Variants in CCDC154 observed in about 807,000 individuals in gnomAD.
The protein encoded by CCDC154 is coiled-coil domain containing 154, also known as coiled-coil domain-containing protein 154.
Under a neutral mutation model 87.5 loss-of-function variants are expected in CCDC154, and 91 were observed. That is an observed-to-expected ratio of 1.04 (90% CI 0.88 to 1.24). The LOEUF is 1.24. Ranked by LOEUF, CCDC154 falls within the 50% of genes most tolerant of loss-of-function variation. The probability of loss-of-function intolerance (pLI) is 0.00; values close to 1 mark genes in which losing one functional copy is unlikely to be tolerated. For missense variants in CCDC154, 903 were observed against 879.2 expected (o/e 1.03, Z -0.34); for synonymous variants, 418 against 400.4 (o/e 1.04, Z -0.52).
rs568512686 is a variant in CCDC154 at position 1,434,396 on chromosome 16, A to C, written c.*12T>G. ...GGGAACCTCAGCTCTAATGAGTACAAAGCCAGCACGTTTATTTCTGGATAA... is the reference window on the plus strand; with the variant it reads ...GGGAACCTCAGCTCTAATGAGTACACAGCCAGCACGTTTATTTCTGGATAA... On this transcript the variant is annotated 3_prime_UTR_variant, in exon 17 of 17. Coordinates refer to ENST00000389176, the MANE Select transcript of CCDC154 (RefSeq NM_001143980.3). 2.9e-5 allele frequency: 45 copies of C among 1,549,950 alleles called. 1 individual carries two copies. In the Admixed American group the frequency reaches 8.8e-4, roughly 30 times the overall value.
At chr16:1,437,279 C>T (rs1175177794) in intron 11 of CCDC154, 1 of 189,642 alleles carries the variant, frequency 5.3e-6, no homozygotes. Context: ...CCGCACCGTG[C>T]GTGGCTCTGT....
At chr16:1,438,524 G>T (rs2038522091) in intron 9 of CCDC154, 95 bp downstream of exon 9, 2 of 1,181,100 alleles carry the variant, frequency 1.7e-6, no homozygotes, top group South Asian at 2.8e-5. Flanking sequence ...GGGAGGCAAG[G>T]TCATTCCCTG....
rs570202582 is a variant in CCDC154 at position 1,444,355 on chromosome 16, G to A, written c.-33C>T. 1.5e-4 allele frequency: 194 copies of A among 1,298,958 alleles called. No homozygotes were observed. In the African/African-American group the frequency reaches 2.5e-3, roughly 17 times the overall value. The allele number at this position is 1,298,958 out of a possible 1,614,324, so 80.5% of individuals were successfully genotyped here. A position where few individuals can be genotyped will look rare whatever the true frequency, so the allele number is the denominator to read the frequency against. ...GGGCTGCACCGGCCACCCTGCCCTC[G>A]GCTGTAGCTTGGGCCTTGGGGCCTC... On this transcript the variant is annotated 5_prime_UTR_variant, in exon 1 of 17. Coordinates refer to ENST00000389176, the MANE Select transcript of CCDC154 (RefSeq NM_001143980.3).
In CCDC154 at chr16:1,436,699, G is replaced by C. The variant is rs112015572; in HGVS notation, c.1403C>G (p.Pro468Arg). 4 of 1,550,066 alleles carry C rather than the reference G, an allele frequency of 2.6e-6. No individual in the cohort carries two copies. In the East Asian group the frequency reaches 9.8e-5, roughly 38 times the overall value. ...GGCTGTGCCTTCGCCCACCTGCTGG[G>C]GGAGGCCATCCACCTTCTCCCGCAC... ...RGVREKVDGL[P>R]QQIESVSDKC... Residue 468 changes from proline to arginine, a missense_variant, in exon 12 of 17, where the codon CCC becomes CGC. Transcript: ENST00000389176.
chr16:1,439,073 C>T lies in CCDC154; in HGVS notation c.729G>A (p.Glu243=). 1 of 1,550,292 alleles carries T rather than the reference C, an allele frequency of 6.5e-7. No individual in the cohort carries two copies. Among genetic ancestry groups the T allele is most frequent in the East Asian group, 2.4e-5 (1 of 40,912 alleles). ...TCTGCAGGAAGCCGCACAGCTTGGC[C>T]TCCCTCTTCAGGAAGCGCAGGCTCA... The part of the protein sequence containing the change: ...EEVSLRFLKR[E]AKLCGFLQKS... The change falls in exon 7 of 17, where the codon GAG becomes GAA. Residue 243 remains glutamate (E), a synonymous_variant. Transcript: ENST00000389176.
chr16:1,440,726 A>G (rs1323964223), intron 6 of CCDC154, among the ~76,000 whole-genome samples: 1 of 151,756 alleles, frequency 6.6e-6, no homozygotes, highest in African/African-American at 2.4e-5. Context: ...CGAGATGGGC[A>G]GATCACGAGG....
intron 1 of CCDC154, 97 bp downstream of exon 1, chr16:1,444,219 G>A: frequency 2.4e-6 from 3 of 1,226,768 alleles, no homozygotes; most frequent in Non-Finnish European, 2.1e-6. Context: ...GCAGGAACAA[G>A]CGAGCTGGAG....
intron 2 of CCDC154, 22 bp from the exon 3 acceptor site, chr16:1,443,717 G>A (rs774027878): frequency 1.5e-5 from 19 of 1,298,932 alleles, no homozygotes; most frequent in Middle Eastern, 4.6e-4. Context: ...GAGAGTGGGC[G>A]AGTCTGGCGG....
chr16:1,444,144 A>T, intron 1 of CCDC154, 132 bp from the exon 2 acceptor site: 1 of 1,010,144 alleles, frequency 9.9e-7, no homozygotes, highest in Non-Finnish European at 1.3e-6. Context: ...TGGGTCACAC[A>T]GGATCCAGAC....
chr16:1,443,222 C>A (rs1190428717), intron 4 of CCDC154, 39 bp downstream of exon 4: 2 of 1,544,570 alleles, frequency 1.3e-6, no homozygotes, highest in Non-Finnish European at 1.7e-6. Context: ...CCACCACCTC[C>A]CCGCCCTGGG....
intron 6 of CCDC154, 51 bp from the exon 7 acceptor site, chr16:1,439,177 C>T (rs554676814): frequency 1.2e-5 from 17 of 1,466,614 alleles, no homozygotes; most frequent in East Asian, 2.5e-5. Context: ...GACACGCAGC[C>T]GGTCCCCCTC....
intron 6 of CCDC154, among the ~76,000 whole-genome samples, chr16:1,441,452 C>T (rs1358736327): frequency 2.6e-5 from 4 of 152,200 alleles, no homozygotes; most frequent in Non-Finnish European, 4.4e-5. Context: ...AGCTCAGACC[C>T]GGGCTGCTGA....
chr16:1,437,714 A>AC, intron 11 of CCDC154, 103 bp downstream of exon 11: 1 of 1,350,970 alleles, frequency 7.4e-7, no homozygotes, highest in Admixed American at 2.7e-5. Flanking sequence ...GAGGCTTGGG[A>AC]CCGGCCTGTC....
At chr16:1,443,115 C>G in intron 4 of CCDC154, 140 bp from the exon 5 acceptor site, 1 of 1,366,652 alleles carries the variant, frequency 7.3e-7, no homozygotes, top group East Asian at 2.5e-5. Flanking sequence ...ACGTACAAAC[C>G]CGGCCTTTTC....
chr16:1,438,281 C>A, intron 9 of CCDC154, 105 bp from the exon 10 acceptor site: 2 of 1,349,286 alleles, frequency 1.5e-6, no homozygotes, highest in Non-Finnish European at 2.0e-6. Flanking sequence ...TCCCAGGAGA[C>A]CCTGGGATCG....
chr16:1,443,699 G>T lies in CCDC154; in HGVS notation c.225-4C>A, dbSNP rs907677226. ...CTCGGCCTGCAGCTCCACCACCCTGGCCGGGGCGAGAGTGGGCGAGTCTGG... is the reference window on the plus strand; with the variant it reads ...CTCGGCCTGCAGCTCCACCACCCTGTCCGGGGCGAGAGTGGGCGAGTCTGG... On this transcript the variant is annotated splice_polypyrimidine_tract_variant and splice_region_variant and intron_variant, in intron 2 of 16. Transcript: ENST00000389176. 18 of 1,293,190 alleles carry T rather than the reference G, an allele frequency of 1.4e-5. No individual in the cohort carries two copies. Among genetic ancestry groups the T allele is most frequent in the African/African-American group, 3.0e-5 (2 of 66,386 alleles). 80.1% of individuals were successfully genotyped at this position (1,293,190 alleles called of 1,614,324 possible).
In CCDC154 at chr16:1,438,621, G is replaced by A; in HGVS notation, c.1023C>T (p.Ala341=). The change falls in exon 9 of 17, where the codon GCC becomes GCT. Residue 341 remains alanine, a splice_region_variant and synonymous_variant. Transcript: ENST00000389176. ...ACCTGAGGCCCCAGGACACCCACCA[G>A]GCTTTCTCCTCGGCCAGTAGGACAC... ...LNRVLLAEEK[A]WDAKGRLEES... The A allele has an allele frequency of 6.5e-7, 1 of 1,549,694 alleles. No individual in the cohort carries two copies. Among genetic ancestry groups the A allele is most frequent in the Non-Finnish European group, 8.7e-7 (1 of 1,146,478 alleles).
Position 1,444,383 on chromosome 16 carries a change from A to G in CCDC154, c.-61T>C, listed in dbSNP as rs926856124. 7 of 1,291,130 alleles carry G rather than the reference A, an allele frequency of 5.4e-6. No individual in the cohort carries two copies. In the South Asian group the frequency reaches 8.8e-5, roughly 16 times the overall value. The allele number at this position is 1,291,130 out of a possible 1,614,324, so 80.0% of individuals were successfully genotyped here. On this transcript the variant is annotated 5_prime_UTR_variant, in exon 1 of 17. Coordinates refer to ENST00000389176, the MANE Select transcript of CCDC154 (RefSeq NM_001143980.3). The stretch of plus-strand genomic sequence containing the variant: ...TGTAGCTTGGGCCTTGGGGCCTCTG[A>G]GGTTGCCCAGAGCTGGGCACAGGCC...
chr16:1,437,747 G>A, intron 11 of CCDC154, 70 bp downstream of exon 11: 1 of 1,461,940 alleles, frequency 6.8e-7, no homozygotes, highest in Middle Eastern at 2.5e-4. Flanking sequence ...TGGGGGCAGT[G>A]GTGGGCTGAG....
Sources: allele counts gnomAD v4.1 joint callset (sites outside exome capture counted in the v4.1 genomes callset), GRCh38; gene constraint gnomAD v4.1.1; transcripts MANE v1.5; gene names NCBI Gene and HGNC (gene_info 2026-07-23, HGNC 2026-07-21).